The following SDK1 variants were observed in gnomAD, a reference collection of about 807,000 sequenced individuals.
The protein encoded by SDK1 is protein sidekick-1.
SDK1 carries 157 observed loss-of-function variants against 245.5 expected under a neutral mutation model. The ratio of observed to expected loss-of-function variants is 0.64; its 90% confidence interval spans 0.56 to 0.73. The LOEUF (loss-of-function observed/expected upper bound fraction) is 0.73, where lower values mean the gene tolerates loss of function less well. SDK1 is among the 30% of genes least tolerant of loss of function. SDK1 has a pLI of 0.00. For synonymous variants in SDK1, 1,647 were observed against 1,278.5 expected, an observed-to-expected ratio of 1.29 and a Z score of -6.15; for missense variants, 3,583 against 3,002.3, an observed-to-expected ratio of 1.19 and a Z score of -4.52.
intron 1 of SDK1, among the ~76,000 whole-genome samples, chr7:3,550,612 C>T (rs1039472503): frequency 1.3e-5 from 2 of 152,134 alleles, no homozygotes; most frequent in Non-Finnish European, 2.9e-5. Flanking sequence ...ACTTTTAGAG[C>T]ATGTAGAACA....
chr7:3,530,286 A>G (rs1783298684), intron 1 of SDK1, among the ~76,000 whole-genome samples: 1 of 152,162 alleles, frequency 6.6e-6, no homozygotes, highest in African/African-American at 2.4e-5. Context: ...TTTCTGATGC[A>G]AGAATATCAT....
At chr7:3,561,385 G>A (rs757637886) in intron 1 of SDK1, among the ~76,000 whole-genome samples, 4 of 152,186 alleles carry the variant, frequency 2.6e-5, no homozygotes, top group Non-Finnish European at 5.9e-5. Flanking sequence ...GAAAGACACT[G>A]TCTCCTCTCT....
chr7:4,153,309 G>C (rs939477763), intron 30 of SDK1, among the ~76,000 whole-genome samples: 1 of 151,984 alleles, frequency 6.6e-6, no homozygotes, highest in Admixed American at 6.6e-5. Context: ...AGATGGGCTG[G>C]GCATGGTGGC....
intron 5 of SDK1, among the ~76,000 whole-genome samples, chr7:3,896,252 C>T (rs1317584727): frequency 4.6e-5 from 7 of 152,212 alleles, no homozygotes; most frequent in African/African-American, 1.4e-4. Flanking sequence ...TTGGCATCTT[C>T]CTTCTCCCTG....
chr7:4,158,936 G>T (rs1215419488), intron 31 of SDK1, among the ~76,000 whole-genome samples: 1 of 152,200 alleles, frequency 6.6e-6, no homozygotes, highest in African/African-American at 2.4e-5. Flanking sequence ...GGGAAGCGAG[G>T]TCTCCTCAGA....
At chr7:3,377,614 C>CAACAGA (rs1453836287) in intron 1 of SDK1, among the ~76,000 whole-genome samples, 1 of 152,046 alleles carries the variant, frequency 6.6e-6, no homozygotes, top group East Asian at 1.9e-4. Flanking sequence ...TTCTGAGTTC[C>CAACAGA]CTTTGTTCTC....
chr7:3,877,857 T>C (rs1781112402), intron 5 of SDK1, among the ~76,000 whole-genome samples: 1 of 152,268 alleles, frequency 6.6e-6, no homozygotes, highest in Admixed American at 6.5e-5. Context: ...TTTCTAAATG[T>C]ATTTAGCCAT....
intron 1 of SDK1, among the ~76,000 whole-genome samples, chr7:3,344,736 A>C (rs1218588310): frequency 6.6e-6 from 1 of 152,212 alleles, no homozygotes; most frequent in Admixed American, 6.5e-5. Flanking sequence ...AGCCCTGTCT[A>C]GTGTATAATT....
intron 4 of SDK1, among the ~76,000 whole-genome samples, chr7:3,722,881 C>T (rs1778863586): frequency 6.6e-6 from 1 of 152,246 alleles, no homozygotes; most frequent in Admixed American, 6.5e-5. Context: ...TCTCTCAGGA[C>T]ATATGCTTTC....
chr7:3,829,175 C>A (rs58327588), intron 5 of SDK1, among the ~76,000 whole-genome samples: 2 of 152,076 alleles, frequency 1.3e-5, no homozygotes, highest in Admixed American at 1.3e-4. Flanking sequence ...AAATTATGTT[C>A]TTTTTAGTCC....
chr7:3,466,576 C>G (rs924749179), intron 1 of SDK1, among the ~76,000 whole-genome samples: 1 of 150,814 alleles, frequency 6.6e-6, no homozygotes, highest in Non-Finnish European at 1.5e-5. Flanking sequence ...TTCATCCACT[C>G]TTATCTCGAT....
At chr7:4,113,517 G>A in intron 24 of SDK1, 78 bp downstream of exon 24, 1 of 1,499,314 alleles carries the variant, frequency 6.7e-7, no homozygotes, top group Non-Finnish European at 9.1e-7. Context: ...CAGGGCTTAG[G>A]AGTTTCTTAG....
At chr7:4,213,704 C>G (rs915971737) in intron 38 of SDK1, among the ~76,000 whole-genome samples, 1 of 152,168 alleles carries the variant, frequency 6.6e-6, no homozygotes. Context: ...GTTTCACTCC[C>G]CTAGAATTGT....
At chr7:3,409,252 G>A (rs1779133748) in intron 1 of SDK1, among the ~76,000 whole-genome samples, 2 of 150,318 alleles carry the variant, frequency 1.3e-5, no homozygotes, top group South Asian at 2.1e-4. Context: ...ATCCTTAATC[G>A]CCTCCCCTTT....
At position 4,241,884 on chromosome 7, in the gene SDK1, G is replaced by C; in HGVS notation, c.6222G>C (p.Lys2074Asn). 4 of 1,613,968 alleles carry C rather than the reference G, an allele frequency of 2.5e-6. No individual in the cohort carries two copies. The highest frequency in any genetic ancestry group is 3.4e-6 in the Non-Finnish European group (4 of 1,180,034). The change falls in exon 43 of 45, where the codon AAG becomes AAC. Residue 2074 changes from lysine to asparagine, a missense_variant. Transcript: ENST00000404826. ...LELSSRHLNVKSTFSKKNGTR... is the reference protein window; with the variant it reads ...LELSSRHLNVNSTFSKKNGTR... The stretch of plus-strand genomic sequence containing the variant: ...TCAGCAGCCGCCACCTCAATGTCAA[G>C]AGCACCTTCTCCAAGAAGAACGGGA...
chr7:4,245,254 A>G (rs1299818374), intron 43 of SDK1, among the ~76,000 whole-genome samples: 2 of 152,032 alleles, frequency 1.3e-5, no homozygotes, highest in African/African-American at 4.8e-5. Flanking sequence ...GTAGGAGACA[A>G]TTCCCACTCC....
At chr7:3,805,068 G>C (rs1489506407) in intron 4 of SDK1, among the ~76,000 whole-genome samples, 1 of 152,180 alleles carries the variant, frequency 6.6e-6, no homozygotes. Context: ...GTAATGTATG[G>C]TTAATTAGTT....
intron 18 of SDK1, 40 bp downstream of exon 18, chr7:4,049,503 T>C (rs146352864): frequency 6.7e-7 from 1 of 1,496,846 alleles, no homozygotes; most frequent in African/African-American, 1.4e-5. Context: ...CAGCTGTCAT[T>C]GTCTGGAGCC....
chr7:3,774,317 C>T lies in SDK1; in HGVS notation c.714-47133C>T, dbSNP rs10240744. 4.9e-3 allele frequency among the ~76,000 whole-genome samples: 752 copies of T among 152,092 alleles called. 6 individuals are homozygous for T. The highest frequency in any genetic ancestry group is 0.017 in the African/African-American group (723 of 41,488). On this transcript the variant is annotated intron_variant, in intron 4 of 44. Coordinates refer to ENST00000404826, the MANE Select transcript of SDK1 (RefSeq NM_152744.4). ...ACAGTGGGGGAAGGTGCAGCAACAG[C>T]GGCCACTGGCCTCTTTGTCTGCACC...
Sources: allele counts gnomAD v4.1 joint callset (sites outside exome capture counted in the v4.1 genomes callset), GRCh38; gene constraint gnomAD v4.1.1; transcripts MANE v1.5; gene names NCBI Gene and HGNC (gene_info 2026-07-23, HGNC 2026-07-21).